The following ANK2 variants were observed in gnomAD, a reference collection of about 807,000 sequenced individuals.
ANK2 encodes ankyrin 2, also known as ankyrin-2.
In ANK2, 83 loss-of-function variants were observed where a neutral mutation model predicts 360.5. That is an observed-to-expected ratio of 0.23 (90% CI 0.19 to 0.28). The LOEUF is 0.28. Among genes scored for constraint, ANK2 ranks in the 10% least tolerant of loss-of-function variants. ANK2 has a pLI of 1.00. For missense variants in ANK2, 4,201 were observed against 4,795.7 expected, an observed-to-expected ratio of 0.88 and a Z score of 3.66; for synonymous variants, 1,740 against 1,759.5, an observed-to-expected ratio of 0.99 and a Z score of 0.28.
intron 2 of ANK2, among the ~76,000 whole-genome samples, chr4:112,943,943 A>G (rs918573588): frequency 6.6e-6 from 1 of 152,180 alleles, no homozygotes; most frequent in African/African-American, 2.4e-5. Context: ...CTTAATTTGT[A>G]TGACAGATGT....
At chr4:113,324,690 A>G (rs115301131) in intron 26 of ANK2, among the ~76,000 whole-genome samples, 263 of 152,346 alleles carry the variant, frequency 1.7e-3, no homozygotes, top group South Asian at 4.6e-3. Context: ...TAAGGGAATT[A>G]CAGAGGAGAA....
chr4:113,255,638 A>G, intron 10 of ANK2, 97 bp from the exon 11 acceptor site: 1 of 1,274,196 alleles, frequency 7.8e-7, no homozygotes, highest in South Asian at 1.2e-5. Flanking sequence ...CCTGCCACTA[A>G]CTGTGTTAGA....
intron 1 of ANK2, among the ~76,000 whole-genome samples, chr4:112,875,774 C>A (rs1244932289): frequency 1.3e-5 from 2 of 151,108 alleles, no homozygotes; most frequent in African/African-American, 4.9e-5. Flanking sequence ...GGGTCTCACT[C>A]TTCCCTCAGG....
intron 18 of ANK2, among the ~76,000 whole-genome samples, chr4:113,284,012 A>G (rs1475572632): frequency 1.3e-5 from 2 of 152,220 alleles, no homozygotes; most frequent in Admixed American, 1.3e-4. Context: ...GTCACTCAGA[A>G]GTGTTCCTGT....
intron 1 of ANK2, among the ~76,000 whole-genome samples, chr4:113,148,452 T>C (rs1309700881): frequency 6.6e-6 from 1 of 152,180 alleles, no homozygotes; most frequent in Non-Finnish European, 1.5e-5. Flanking sequence ...TCAGAGATTT[T>C]TATTTTATTG....
intron 38 of ANK2, among the ~76,000 whole-genome samples, chr4:113,360,424 C>A (rs887027533): frequency 6.6e-6 from 1 of 152,044 alleles, no homozygotes; most frequent in Non-Finnish European, 1.5e-5. Flanking sequence ...TATCCCTCCA[C>A]AAGCAATAAT....
At chr4:113,336,424 C>T in intron 30 of ANK2, 153 bp from the exon 31 acceptor site, 1 of 771,056 alleles carries the variant, frequency 1.3e-6, no homozygotes, top group Admixed American at 2.8e-5. Context: ...AGTAATAATA[C>T]TGAACTTATG....
intron 1 of ANK2, among the ~76,000 whole-genome samples, chr4:113,057,315 A>G (rs975047178): frequency 3.3e-5 from 5 of 152,208 alleles, no homozygotes; most frequent in Admixed American, 3.3e-4. Context: ...TTAGAAGAGT[A>G]AACCCTATGA....
rs371309416 is a variant in ANK2, at chr4:113,188,301, A to G, written c.187-8067A>G. Among the ~76,000 whole-genome samples, 13 of 152,358 alleles carry G rather than the reference A, an allele frequency of 8.5e-5. No homozygotes were observed. The South Asian group carries it at 2.5e-3, about 29-fold the overall frequency. On this transcript the variant is annotated intron_variant, in intron 2 of 45. Coordinates refer to ENST00000357077, the MANE Select transcript of ANK2 (RefSeq NM_001148.6). The stretch of plus-strand genomic sequence containing the variant: ...TGTTATAATTTCTTTTAGATAATTT[A>G]TAGTCCTATGGGACACAGGAAAGCT...
At chr4:113,283,186 A>G (rs890921088) in intron 18 of ANK2, among the ~76,000 whole-genome samples, 2 of 152,148 alleles carry the variant, frequency 1.3e-5, no homozygotes, top group African/African-American at 2.4e-5. Context: ...GTAGCTCCCA[A>G]TGTTAACATC....
At chr4:113,111,291 T>G (rs1314140196) in intron 1 of ANK2, among the ~76,000 whole-genome samples, 3 of 152,298 alleles carry the variant, frequency 2.0e-5, no homozygotes, top group African/African-American at 7.2e-5. Flanking sequence ...AATGTAAAAC[T>G]TACAGGTATT....
chr4:112,949,223 A>C (rs1171872523), intron 2 of ANK2, among the ~76,000 whole-genome samples: 2 of 152,098 alleles, frequency 1.3e-5, no homozygotes, highest in Non-Finnish European at 2.9e-5. Flanking sequence ...CAGGTAAGTA[A>C]AACTTGCAAA....
the ANK2 span, among the ~76,000 whole-genome samples, chr4:112,712,126 A>G: frequency 2.6e-4 from 39 of 149,938 alleles, no homozygotes; most frequent in South Asian, 7.3e-3. Flanking sequence ...TTCGTCCTCT[A>G]GGCTGGAGTG....
At chr4:113,012,446 C>T (rs181265097) in intron 2 of ANK2, among the ~76,000 whole-genome samples, 60 of 152,240 alleles carry the variant, frequency 3.9e-4, no homozygotes, top group Admixed American at 1.5e-3. Context: ...CCATCAGTTT[C>T]TCATATCAAC....
intron 1 of ANK2, among the ~76,000 whole-genome samples, chr4:112,850,217 TA>T (rs1363756567): frequency 6.6e-6 from 1 of 151,670 alleles, no homozygotes; most frequent in African/African-American, 2.4e-5. Context: ...TCGAACTCTA[TA>T]ATCATGTGAA....
chr4:113,292,548 T>G, intron 21 of ANK2, 34 bp downstream of exon 21: 4 of 1,548,324 alleles, frequency 2.6e-6, no homozygotes, highest in Non-Finnish European at 3.5e-6. Flanking sequence ...CACCACGCTT[T>G]CTTCTTTTTC....
At chr4:112,719,645 G>T in the ANK2 span, among the ~76,000 whole-genome samples, 1 of 151,290 alleles carries the variant, frequency 6.6e-6, no homozygotes, top group East Asian at 2.0e-4. Flanking sequence ...GGAGAATGGC[G>T]TGAACCCAGG....
the ANK2 span, among the ~76,000 whole-genome samples, chr4:112,790,901 C>T: frequency 6.6e-6 from 1 of 152,140 alleles, no homozygotes; most frequent in East Asian, 1.9e-4. Context: ...CTGTATCATT[C>T]AATCTTACAG....
chr4:113,196,153 A>G (rs879450141), intron 2 of ANK2, among the ~76,000 whole-genome samples: 3 of 152,248 alleles, frequency 2.0e-5, no homozygotes, highest in Non-Finnish European at 2.9e-5. Flanking sequence ...GCCAAAATCC[A>G]TGTTTCTAAT....
Sources: gnomAD v4.1 joint callset for allele counts (sites outside exome capture counted in the v4.1 genomes callset) on GRCh38, gnomAD v4.1.1 for gene constraint, MANE v1.5 for transcripts, NCBI Gene and HGNC (gene_info 2026-07-23, HGNC 2026-07-21) for gene names.